The following LRP6 variants were observed in gnomAD, a reference collection of about 807,000 sequenced individuals.
The protein encoded by LRP6 is LDL receptor related protein 6, also known as low-density lipoprotein receptor-related protein 6.
In LRP6, 43 loss-of-function variants were observed where a neutral mutation model predicts 184.1. That is an observed-to-expected ratio of 0.23 (90% confidence interval 0.18 to 0.30). The LOEUF is 0.30. Among genes scored for constraint, LRP6 ranks in the 10% least tolerant of loss-of-function variants. LRP6 has a pLI of 1.00. For synonymous variants in LRP6, 719 were observed against 684.9 expected, an observed-to-expected ratio of 1.05 and a Z score of -0.78; for missense variants, 1,571 against 2,005.3, an observed-to-expected ratio of 0.78 and a Z score of 4.14.
intron 2 of LRP6, among the ~76,000 whole-genome samples, chr12:12,207,096 G>A (rs1864080926): frequency 6.6e-6 from 1 of 152,192 alleles, no homozygotes; most frequent in Non-Finnish European, 1.5e-5. Flanking sequence ...TGCCAGGTTT[G>A]TGGCATAAAC....
intron 12 of LRP6, among the ~76,000 whole-genome samples, chr12:12,156,262 C>T (rs1012516545): frequency 2.0e-5 from 3 of 152,246 alleles, no homozygotes; most frequent in Non-Finnish European, 2.9e-5. Context: ...AGGGTATCCA[C>T]GCAAATATAT....
chr12:12,191,328 T>C (rs1398778099), intron 3 of LRP6, among the ~76,000 whole-genome samples: 1 of 151,818 alleles, frequency 6.6e-6, no homozygotes, highest in Admixed American at 6.6e-5. Flanking sequence ...AGGAGAACAA[T>C]GGGAAAATAA....
chr12:12,148,347 T>G (rs980823404), intron 14 of LRP6, among the ~76,000 whole-genome samples: 1 of 152,182 alleles, frequency 6.6e-6, no homozygotes, highest in African/African-American at 2.4e-5. Context: ...AATCACTTCT[T>G]ATATTTAACG....
rs765218137 is a variant in LRP6 at position 12,162,303 on chromosome 12, G to A, written c.2169C>T (p.Asp723=). The change falls in exon 10 of 23, where the codon GAC becomes GAT. Residue 723 remains aspartate, a synonymous_variant. Coordinates refer to ENST00000261349, the MANE Select transcript of LRP6 (RefSeq NM_002336.3). Reference sequence around the variant, plus strand: ...ACACCTCAATTCGATTCGTTCCTGTGTCTGCCCAGTACAAGTTCTTCCCAA... The same window carrying A: ...ACACCTCAATTCGATTCGTTCCTGTATCTGCCCAGTACAAGTTCTTCCCAA... The part of the protein sequence containing the change: ...DWLGKNLYWA[D]TGTNRIEVSK... 2 of 1,614,042 alleles carry A rather than the reference G, an allele frequency of 1.2e-6. No homozygotes were observed. Among genetic ancestry groups the A allele is most frequent in the Non-Finnish European group, 1.7e-6 (2 of 1,180,030 alleles).
intron 1 of LRP6, 127 bp from the exon 2 acceptor site, chr12:12,244,782 T>C: frequency 1.2e-6 from 1 of 827,474 alleles, no homozygotes; most frequent in African/African-American, 1.7e-5. Context: ...AATAAATCAT[T>C]AGGAGACCAT....
At chr12:12,251,361 T>C in intron 1 of LRP6, among the ~76,000 whole-genome samples, 1 of 151,962 alleles carries the variant, frequency 6.6e-6, no homozygotes, top group Non-Finnish European at 1.5e-5. Context: ...TATTAGTTTG[T>C]CTTTTTGATT....
intron 9 of LRP6, among the ~76,000 whole-genome samples, chr12:12,163,183 C>T (rs1862782603): frequency 6.6e-6 from 1 of 151,992 alleles, no homozygotes; most frequent in Admixed American, 6.6e-5. Flanking sequence ...GTCATGTTGG[C>T]CAGGCTGTTC....
At chr12:12,247,563 C>T (rs553309200) in intron 1 of LRP6, among the ~76,000 whole-genome samples, 6 of 152,272 alleles carry the variant, frequency 3.9e-5, no homozygotes, top group African/African-American at 1.4e-4. Flanking sequence ...AAGGACTGTA[C>T]ATAAATCTGC....
chr12:12,249,374 T>C (rs1480373306), intron 1 of LRP6: 2 of 1,019,406 alleles, frequency 2.0e-6, no homozygotes, highest in African/African-American at 3.1e-5. Context: ...CCTAATGGTG[T>C]CTAAAGAAAA....
intron 1 of LRP6, among the ~76,000 whole-genome samples, chr12:12,250,501 A>G (rs571321997): frequency 6.6e-6 from 1 of 150,758 alleles, no homozygotes; most frequent in Admixed American, 6.6e-5. Context: ...TTTTTTAAGC[A>G]TACTTCCTAC....
At chr12:12,229,384 AAAAGAAGAAG>A (rs1179864734) in intron 2 of LRP6, among the ~76,000 whole-genome samples, 8 of 103,678 alleles carry the variant, frequency 7.7e-5, no homozygotes, top group African/African-American at 9.3e-5. Flanking sequence ...AAAAAAAAAA[AAAAGAAGAAG>A]AAGAAGAATA....
intron 2 of LRP6, among the ~76,000 whole-genome samples, chr12:12,236,047 A>G (rs1404812385): frequency 6.6e-6 from 1 of 152,108 alleles, no homozygotes; most frequent in Non-Finnish European, 1.5e-5. Flanking sequence ...AACAGGTGTG[A>G]AACCCCGTCT....
chr12:12,167,702 T>C (rs373733385), intron 7 of LRP6, among the ~76,000 whole-genome samples: 1 of 151,438 alleles, frequency 6.6e-6, no homozygotes, highest in African/African-American at 2.4e-5. Context: ...TCAAATAAAA[T>C]AATGCTAAAT....
intron 9 of LRP6, among the ~76,000 whole-genome samples, chr12:12,163,590 C>T (rs999635167): frequency 2.6e-5 from 4 of 152,178 alleles, no homozygotes; most frequent in African/African-American, 9.7e-5. Flanking sequence ...TTGGCCTTTT[C>T]CGCCTCAGTC....
rs1359467650 is a variant in LRP6 at position 12,155,113 on chromosome 12, T to C, written c.2791+3716A>G. ...CAGGAGGCTAAGACAGGAGAATCAC[T>C]TGAACCTGGGAGGCGGATGTTGCAG... On this transcript the variant is annotated intron_variant, in intron 12 of 22. Coordinates refer to ENST00000261349, the MANE Select transcript of LRP6 (RefSeq NM_002336.3). 2.4e-5 allele frequency: 9 copies of C among 378,782 alleles called. No individual in the cohort carries two copies. In the Admixed American group the frequency reaches 3.1e-4, roughly 13 times the overall value. 23.5% of individuals were successfully genotyped at this position (378,782 alleles called of 1,614,324 possible). A position where few individuals can be genotyped will look rare whatever the true frequency, so the allele number is the denominator to read the frequency against.
At position 12,149,041 on chromosome 12, in the gene LRP6, T is replaced by C. The variant is rs143873199; in HGVS notation, c.3107A>G (p.Asn1036Ser). ...ATCTAATCTTGTCACATTAATGACA[T>C]TGGTAGCCTCACAAGTCCAGTAGAT... ...RYIYWTCEAT[N>S]VINVTRLDGR... The change falls in exon 14 of 23, where the codon AAT (asparagine) becomes AGT (serine). Residue 1036 changes from asparagine (N) to serine (S), a missense_variant. Asn to Ser is a conservative substitution (Grantham distance 46). Around this residue, in one of 4 missense-constraint regions of LRP6, gnomAD observed 763 missense variants for 859.5 expected, o/e 0.89. Coordinates refer to ENST00000261349, the MANE Select transcript of LRP6 (RefSeq NM_002336.3). The C allele has an allele frequency of 8.9e-5, 144 of 1,614,010 alleles. No homozygotes were observed. Among genetic ancestry groups the C allele is most frequent in the Admixed American group, 1.8e-4 (11 of 60,020 alleles).
chr12:12,149,668 CAA>C (rs1468159121), intron 13 of LRP6, among the ~76,000 whole-genome samples: 2 of 152,300 alleles, frequency 1.3e-5, no homozygotes, highest in East Asian at 3.9e-4. Context: ...CCCCCCACAA[CAA>C]ACAATTAATC....
At chr12:12,169,656 T>G (rs1456744006) in intron 7 of LRP6, among the ~76,000 whole-genome samples, 1 of 152,224 alleles carries the variant, frequency 6.6e-6, no homozygotes, top group Non-Finnish European at 1.5e-5. Context: ...GAACTCAAAA[T>G]AGTTCCTGAG....
At chr12:12,139,019 C>A in intron 15 of LRP6, 1 of 1,304,388 alleles carries the variant, frequency 7.7e-7, no homozygotes, top group Non-Finnish European at 1.0e-6. Context: ...TAGAGTCATC[C>A]AGACTCTGAG....
Sources: allele counts gnomAD v4.1 joint callset (sites outside exome capture counted in the v4.1 genomes callset), GRCh38; gene constraint gnomAD v4.1.1; regional missense constraint gnomAD v4.1.1; transcripts MANE v1.5; gene names NCBI Gene and HGNC (gene_info 2026-07-23, HGNC 2026-07-21).